The following NTNG1 variants were observed in gnomAD, a reference collection of about 807,000 sequenced individuals.
NTNG1 encodes the protein netrin-G1.
In NTNG1, 16 loss-of-function variants were observed where a neutral mutation model predicts 54.0. The observed-to-expected ratio is 0.30, with a 90% confidence interval of 0.20 to 0.45. The LOEUF (loss-of-function observed/expected upper bound fraction) is 0.45. Among genes scored for constraint, NTNG1 ranks in the 20% least tolerant of loss-of-function variants. The pLI, the probability that NTNG1 is intolerant of heterozygous loss-of-function variation, is 1.00. For synonymous variants in NTNG1, 255 were observed against 263.1 expected (o/e 0.97, Z 0.30); for missense variants, 530 against 678.7 (o/e 0.78, Z 2.43).
intron 2 of NTNG1, among the ~76,000 whole-genome samples, chr1:107,255,763 A>G (rs1428904682): frequency 6.6e-6 from 1 of 152,192 alleles, no homozygotes; most frequent in Non-Finnish European, 1.5e-5. Context: ...TGAAAACTTA[A>G]GTTCAGCACA....
intron 2 of NTNG1, among the ~76,000 whole-genome samples, chr1:107,299,385 GT>G (rs998862151): frequency 1.1e-4 from 17 of 151,972 alleles, no homozygotes; most frequent in African/African-American, 3.9e-4. Context: ...AATTTGAAGC[GT>G]TTTTTTTCTT....
At chr1:107,214,654 C>T (rs1659821074) in intron 2 of NTNG1, among the ~76,000 whole-genome samples, 1 of 151,938 alleles carries the variant, frequency 6.6e-6, no homozygotes, top group African/African-American at 2.4e-5. Context: ...CTACCTTGAT[C>T]CATTTGCTGG....
intron 2 of NTNG1, among the ~76,000 whole-genome samples, chr1:107,274,879 C>T (rs942135385): frequency 6.6e-6 from 1 of 152,204 alleles, no homozygotes; most frequent in African/African-American, 2.4e-5. Context: ...AGCTTAGACA[C>T]TTTTGTCTGG....
At chr1:107,450,091 G>T (rs141242792) in intron 7 of NTNG1, among the ~76,000 whole-genome samples, 184 of 152,162 alleles carry the variant, frequency 1.2e-3, no homozygotes, top group African/African-American at 4.3e-3. Context: ...TTTTAAAAGT[G>T]AATAGAACTA....
chr1:107,230,996 G>A (rs1009164073), intron 2 of NTNG1, among the ~76,000 whole-genome samples: 1 of 152,174 alleles, frequency 6.6e-6, no homozygotes, highest in Non-Finnish European at 1.5e-5. Flanking sequence ...TAGAATGGGA[G>A]AGAGCTTGGA....
At chr1:107,226,696 G>A (rs1013621528) in intron 2 of NTNG1, among the ~76,000 whole-genome samples, 1 of 152,052 alleles carries the variant, frequency 6.6e-6, no homozygotes, top group Non-Finnish European at 1.5e-5. Context: ...ATTATTGTGT[G>A]ACCCCATCCC....
intron 7 of NTNG1, among the ~76,000 whole-genome samples, chr1:107,476,609 A>G (rs938007011): frequency 2.0e-4 from 30 of 152,138 alleles, no homozygotes; most frequent in Admixed American, 1.6e-3. Flanking sequence ...TTATCCATTC[A>G]CATAACCTGT....
At chr1:107,323,104 G>GA (rs758878388) in intron 2 of NTNG1, among the ~76,000 whole-genome samples, 4,780 of 131,462 alleles carry the variant, frequency 0.036, 222 homozygotes, top group African/African-American at 0.12. Flanking sequence ...ACAGTATATG[G>GA]AAAAAAAAAA....
intron 3 of NTNG1, among the ~76,000 whole-genome samples, chr1:107,368,605 A>G (rs1259246686): frequency 1.3e-5 from 2 of 152,182 alleles, no homozygotes; most frequent in South Asian, 2.1e-4. Flanking sequence ...AGTACTGCCT[A>G]TGTAACAGCA....
intron 3 of NTNG1, among the ~76,000 whole-genome samples, chr1:107,357,285 T>TA (rs919923081): frequency 1.7e-4 from 25 of 147,918 alleles, no homozygotes; most frequent in South Asian, 1.3e-3. Flanking sequence ...TGATCTCAAT[T>TA]AAAAAAAATT....
intron 3 of NTNG1, among the ~76,000 whole-genome samples, chr1:107,346,884 TAAAAAAAAAAAA>T (rs537482440): frequency 1.1e-4 from 11 of 97,132 alleles, no homozygotes; most frequent in Admixed American, 7.4e-4. Flanking sequence ...TTTTCTATCC[TAAAAAAAAAAAA>T]AAAAAAAAAA....
chr1:107,372,694 A>C (rs1461763323), intron 3 of NTNG1, among the ~76,000 whole-genome samples: 3 of 152,086 alleles, frequency 2.0e-5, no homozygotes, highest in Non-Finnish European at 1.5e-5. Flanking sequence ...TCTACTATAA[A>C]CTTGCAAATT....
intron 2 of NTNG1, among the ~76,000 whole-genome samples, chr1:107,241,054 T>G (rs2101578447): frequency 6.6e-6 from 1 of 152,308 alleles, no homozygotes; most frequent in African/African-American, 2.4e-5. Context: ...TTTAAAAATA[T>G]TTTTAATAGT....
At chr1:107,232,590 G>A (rs535317537) in intron 2 of NTNG1, among the ~76,000 whole-genome samples, 3 of 152,132 alleles carry the variant, frequency 2.0e-5, no homozygotes, top group Non-Finnish European at 2.9e-5. Flanking sequence ...GACCTTAAAC[G>A]GTATATTTAT....
At chr1:107,342,593 G>A (rs528732617) in intron 3 of NTNG1, among the ~76,000 whole-genome samples, 3 of 152,232 alleles carry the variant, frequency 2.0e-5, no homozygotes, top group South Asian at 4.1e-4. Flanking sequence ...TAAAAAGAAT[G>A]TGGTGAACCT....
rs1557899780 is a variant in NTNG1 at position 107,324,435 on chromosome 1, ATC to A, written c.401_402del (p.Ile134AsnfsTer9). The A allele has an allele frequency of 6.2e-7, 1 of 1,613,870 alleles. No homozygotes were observed. The highest frequency in any genetic ancestry group is 2.2e-5 in the East Asian group (1 of 44,850). On this transcript the variant is annotated frameshift_variant, in exon 3 of 8. Coordinates refer to ENST00000370068, the MANE Select transcript of NTNG1 (RefSeq NM_001113226.3). LOFTEE classifies it high-confidence loss of function. ...GTATCCCAAGCCTCTCCAGGTTAACATCACTCTGTCTTGGAGCAAAACCATTG... is the reference window on the plus strand; with the variant it reads ...GTATCCCAAGCCTCTCCAGGTTAACAACTCTGTCTTGGAGCAAAACCATTG... ...KEYPKPLQVNITLSWSKTIEL... is the reference protein window; with the variant it reads ...KEYPKPLQVNXTLSWSKTIEL...
chr1:107,214,790 A>T (rs540722110), intron 2 of NTNG1, among the ~76,000 whole-genome samples: 2,542 of 146,520 alleles, frequency 0.017, 82 homozygotes, highest in African/African-American at 0.06. Context: ...CCATGCCATC[A>T]TTTTTTTTTT....
intron 5 of NTNG1, among the ~76,000 whole-genome samples, chr1:107,413,759 T>C (rs1674002635): frequency 6.6e-6 from 1 of 152,096 alleles, no homozygotes; most frequent in African/African-American, 2.4e-5. Flanking sequence ...GGCAGCCAAG[T>C]CTTAAATGAA....
At chr1:107,379,322 A>T (rs1158717389) in intron 3 of NTNG1, among the ~76,000 whole-genome samples, 2 of 152,186 alleles carry the variant, frequency 1.3e-5, no homozygotes, top group East Asian at 1.9e-4. Context: ...AATTGTAAAG[A>T]CCTATAAGAC....
Sources: allele counts gnomAD v4.1 joint callset (sites outside exome capture counted in the v4.1 genomes callset), GRCh38; gene constraint gnomAD v4.1.1; transcripts MANE v1.5; gene names NCBI Gene and HGNC (gene_info 2026-07-23, HGNC 2026-07-21).